The following KCNH7 variants were observed in gnomAD, a reference collection of about 807,000 sequenced individuals.
KCNH7 encodes voltage-gated inwardly rectifying potassium channel KCNH7.
A neutral mutation model predicts 120.8 loss-of-function variants in KCNH7; 49 were observed. The observed-to-expected ratio is 0.41, with a 90% CI of 0.32 to 0.51. The LOEUF is 0.51. KCNH7 is among the 20% of genes least tolerant of loss of function. The pLI is 0.38. For missense variants in KCNH7, 1,097 were observed against 1,446.6 expected (o/e 0.76, Z 3.92); for synonymous variants, 547 against 516.1 (o/e 1.06, Z -0.81).
chr2:162,583,081 C>T lies in KCNH7; in HGVS notation c.308-46001G>A, dbSNP rs140583227. On this transcript the variant is annotated intron_variant, in intron 2 of 15. Transcript: ENST00000332142. ...AAATGCTAAATTTCAAAATTGCATC[C>T]CTGGTTGTATTTTTGAAGCTTTAAA... is the stretch of plus-strand genomic sequence containing the variant. Among the ~76,000 whole-genome samples the T allele has an allele frequency of 2.6e-3, 401 of 152,026 alleles. 4 individuals are homozygous for T. Among genetic ancestry groups the T allele is most frequent in the African/African-American group, 9.0e-3 (374 of 41,474 alleles).
chr2:162,496,667 A>G (rs935749638), intron 6 of KCNH7, among the ~76,000 whole-genome samples: 2 of 152,184 alleles, frequency 1.3e-5, no homozygotes, highest in African/African-American at 4.8e-5. Context: ...GGAGCAAAAA[A>G]TCCTGCATCA....
chr2:162,629,221 T>C (rs1363281613), intron 2 of KCNH7, among the ~76,000 whole-genome samples: 5 of 152,078 alleles, frequency 3.3e-5, no homozygotes. Context: ...TATGCTTCCA[T>C]TGGATCACTG....
At chr2:162,542,587 T>C (rs1692347293) in intron 2 of KCNH7, among the ~76,000 whole-genome samples, 1 of 152,024 alleles carries the variant, frequency 6.6e-6, no homozygotes, top group Admixed American at 6.6e-5. Flanking sequence ...GACTCATCAT[T>C]TTTTATGGCT....
chr2:162,390,397 T>C (rs1686711082), intron 12 of KCNH7, among the ~76,000 whole-genome samples: 1 of 151,860 alleles, frequency 6.6e-6, no homozygotes. Context: ...CATAAAATTT[T>C]AGAAGAATTA....
At chr2:162,702,882 T>C (rs886555044) in intron 2 of KCNH7, among the ~76,000 whole-genome samples, 28 of 152,156 alleles carry the variant, frequency 1.8e-4, no homozygotes, top group African/African-American at 6.5e-4. Context: ...GAATATTTTC[T>C]TTCTTCCTAA....
intron 2 of KCNH7, among the ~76,000 whole-genome samples, chr2:162,637,567 T>C (rs1684006091): frequency 6.6e-6 from 1 of 152,124 alleles, no homozygotes; most frequent in African/African-American, 2.4e-5. Context: ...ACATACTGTA[T>C]ACTTAATAAT....
intron 2 of KCNH7, among the ~76,000 whole-genome samples, chr2:162,781,066 A>G (rs911105620): frequency 6.6e-6 from 1 of 152,066 alleles, no homozygotes; most frequent in Admixed American, 6.6e-5. Flanking sequence ...GAGATTAAAG[A>G]TACTCTATTT....
intron 2 of KCNH7, among the ~76,000 whole-genome samples, chr2:162,680,885 A>C (rs1189965277): frequency 6.6e-6 from 1 of 151,786 alleles, no homozygotes; most frequent in Non-Finnish European, 1.5e-5. Context: ...AGGGCTTTGG[A>C]ATTGGTACAG....
intron 2 of KCNH7, among the ~76,000 whole-genome samples, chr2:162,673,023 CGAT>C (rs1175295042): frequency 4.0e-5 from 6 of 151,806 alleles, no homozygotes; most frequent in Admixed American, 6.6e-5. Flanking sequence ...GAGGAAAAGA[CGAT>C]AATAATTAAA....
chr2:162,830,992 A>G (rs1270197433), intron 2 of KCNH7, among the ~76,000 whole-genome samples: 1 of 152,188 alleles, frequency 6.6e-6, no homozygotes, highest in Non-Finnish European at 1.5e-5. Context: ...ATCCCAAGTG[A>G]ATTCAATTCT....
intron 2 of KCNH7, among the ~76,000 whole-genome samples, chr2:162,703,000 A>G (rs1410771641): frequency 1.3e-5 from 2 of 152,136 alleles, no homozygotes; most frequent in African/African-American, 4.8e-5. Flanking sequence ...TTGTGTAAAG[A>G]GTGTAAAGAG....
At chr2:162,630,005 G>C (rs1275493614) in intron 2 of KCNH7, among the ~76,000 whole-genome samples, 2 of 152,072 alleles carry the variant, frequency 1.3e-5, no homozygotes, top group Non-Finnish European at 2.9e-5. Context: ...TTCAGAGGCA[G>C]AAAATGTCCA....
intron 2 of KCNH7, among the ~76,000 whole-genome samples, chr2:162,660,341 C>A (rs1172826003): frequency 6.6e-6 from 1 of 152,116 alleles, no homozygotes; most frequent in African/African-American, 2.4e-5. Context: ...CCATTTAGTT[C>A]AAAGTCTTTT....
chr2:162,577,976 G>T (rs1693745646), intron 2 of KCNH7, among the ~76,000 whole-genome samples: 1 of 152,024 alleles, frequency 6.6e-6, no homozygotes, highest in Non-Finnish European at 1.5e-5. Flanking sequence ...TAAGTTACCT[G>T]CCCAAGGTCA....
chr2:162,474,824 C>A (rs1429638321), intron 6 of KCNH7, among the ~76,000 whole-genome samples: 8 of 151,238 alleles, frequency 5.3e-5, no homozygotes, highest in Non-Finnish European at 1.2e-4. Context: ...CCTTATTGAT[C>A]TTTGAGACAA....
intron 2 of KCNH7, among the ~76,000 whole-genome samples, chr2:162,746,785 C>T (rs1206728702): frequency 6.6e-6 from 1 of 151,892 alleles, no homozygotes; most frequent in Non-Finnish European, 1.5e-5. Context: ...GTATAATTAT[C>T]ACAGGAAATT....
At chr2:162,387,637 A>G (rs1686613536) in intron 12 of KCNH7, among the ~76,000 whole-genome samples, 1 of 151,698 alleles carries the variant, frequency 6.6e-6, no homozygotes, top group Non-Finnish European at 1.5e-5. Context: ...GATTCAGAAG[A>G]TGAAAAACTT....
chr2:162,659,760 A>G (rs890156362), intron 2 of KCNH7, among the ~76,000 whole-genome samples: 2 of 152,024 alleles, frequency 1.3e-5, no homozygotes, highest in African/African-American at 4.8e-5. Context: ...TTCTTGTAAT[A>G]TCTTCATCTG....
At position 162,462,663 on chromosome 2, in the gene KCNH7, G is replaced by A. The variant is rs115373048; in HGVS notation, c.1129-16220C>T. Reference sequence around the variant, plus strand: ...GTCACAATAGTCACAATAAAGTCAAGGATGGCAACTTGCTTGAAGCACAGT... The same window carrying A: ...GTCACAATAGTCACAATAAAGTCAAAGATGGCAACTTGCTTGAAGCACAGT... On this transcript the variant is annotated intron_variant, in intron 6 of 15. Transcript: ENST00000332142. Among the ~76,000 whole-genome samples, 303 of 152,110 alleles carry A rather than the reference G, an allele frequency of 2.0e-3. 2 individuals carry two copies. Among genetic ancestry groups the A allele is most frequent in the African/African-American group, 7.1e-3 (296 of 41,544 alleles).
Sources: gnomAD v4.1 joint callset for allele counts (sites outside exome capture counted in the v4.1 genomes callset) on GRCh38, gnomAD v4.1.1 for gene constraint, MANE v1.5 for transcripts, NCBI Gene and HGNC (gene_info 2026-07-23, HGNC 2026-07-21) for gene names.